The following HECTD4 variants were observed in gnomAD, a reference collection of about 807,000 sequenced individuals.
The protein encoded by HECTD4 is HECT domain E3 ubiquitin protein ligase 4, also known as probable E3 ubiquitin-protein ligase HECTD4.
In HECTD4, 114 loss-of-function variants were observed where a neutral mutation model predicts 471.5. The observed-to-expected ratio is 0.24, with a 90% confidence interval of 0.21 to 0.28. The LOEUF is 0.28. Ranked by LOEUF, HECTD4 falls within the 10% of genes least tolerant of loss-of-function variation. The pLI is 1.00. For synonymous variants in HECTD4, 2,012 were observed against 2,256.0 expected (o/e 0.89, Z 3.07); for missense variants, 3,866 against 5,651.5 (o/e 0.68, Z 10.13).
rs750997359 is a variant in HECTD4 at position 112,179,324 on chromosome 12, C to T, written c.11061G>A (p.Thr3687=). Residue 3687 remains threonine, a synonymous_variant, in exon 63 of 76, where the codon ACG becomes ACA. Coordinates refer to ENST00000682272, the MANE Select transcript of HECTD4 (RefSeq NM_001388303.1). This position sits in a 1 kb window ranked among gnomAD's most constrained non-coding sequence, Gnocchi z 4.3. ...TGGGCTTCGCTGGTGTCAGGCTCAG[C>T]GTCTGCTCTGAATGGGCACAACTCT... is the stretch of plus-strand genomic sequence containing the variant. ...IFKSCAHSEQ[T]LSLTPAKPIR... 3.0e-5 allele frequency: 48 copies of T among 1,613,222 alleles called. No homozygotes were observed. Among genetic ancestry groups the T allele is most frequent in the Non-Finnish European group, 3.8e-5 (45 of 1,179,638 alleles).
chr12:112,274,992 G>T, intron 9 of HECTD4, 32 bp from the exon 10 acceptor site: 1 of 1,222,286 alleles, frequency 8.2e-7, no homozygotes, highest in South Asian at 1.4e-5. Flanking sequence ...TGTTTAATGA[G>T]CCTGAAGATT....
At chr12:112,252,270 T>C (rs1242207713) in intron 23 of HECTD4, among the ~76,000 whole-genome samples, 154 bp downstream of exon 23, 2 of 152,222 alleles carry the variant, frequency 1.3e-5, no homozygotes, top group Admixed American at 1.3e-4. Flanking sequence ...GTAAAAGTAC[T>C]ACTAACTGCT....
At chr12:112,236,854 A>G (rs533222551) in intron 35 of HECTD4, 91 bp downstream of exon 35, 4 of 1,234,858 alleles carry the variant, frequency 3.2e-6, no homozygotes, top group Admixed American at 3.3e-5. Flanking sequence ...TAATTTAGCT[A>G]TTTTGAAAAG....
intron 11 of HECTD4, among the ~76,000 whole-genome samples, chr12:112,272,002 A>G (rs535049660): frequency 6.6e-6 from 1 of 151,964 alleles, no homozygotes; most frequent in Admixed American, 6.6e-5. Flanking sequence ...ATTTTTTCAA[A>G]TACTTGTTTC....
At chr12:112,360,097 T>A (rs1420562091) in intron 1 of HECTD4, among the ~76,000 whole-genome samples, 1 of 152,184 alleles carries the variant, frequency 6.6e-6, no homozygotes, top group African/African-American at 2.4e-5. Flanking sequence ...GTATTTTTCT[T>A]GGTAACTAGA....
intron 5 of HECTD4, among the ~76,000 whole-genome samples, chr12:112,309,306 G>T (rs2035329210): frequency 6.6e-6 from 1 of 152,196 alleles, no homozygotes; most frequent in Admixed American, 6.5e-5. Context: ...GATCATGGAG[G>T]ACTTTCTGGC....
rs148440827 is a variant in HECTD4 at position 112,352,757 on chromosome 12, C to A, written c.177+29195G>T. On this transcript the variant is annotated intron_variant, in intron 1 of 75. Transcript: ENST00000682272. ...AAGTAGCTAAGACCACATGTATATG[C>A]CAAAATGCCCAGCTAGTTTTTTGAT... Among the ~76,000 whole-genome samples the A allele has an allele frequency of 1.1e-4, 17 of 152,114 alleles. No individual in the cohort carries two copies. In the East Asian group the frequency reaches 3.3e-3, roughly 29 times the overall value.
At chr12:112,270,665 T>C (rs886526886) in intron 11 of HECTD4, among the ~76,000 whole-genome samples, 1 of 152,206 alleles carries the variant, frequency 6.6e-6, no homozygotes, top group Non-Finnish European at 1.5e-5. Flanking sequence ...GGAACATAAG[T>C]AGCTACCACT....
At chr12:112,186,843 T>A (rs1267798251) in intron 60 of HECTD4, among the ~76,000 whole-genome samples, 3 of 151,762 alleles carry the variant, frequency 2.0e-5, no homozygotes, top group Non-Finnish European at 4.4e-5. Flanking sequence ...AATTTTTATA[T>A]TTTTAGCAGA....
chr12:112,350,760 T>C (rs968038970), intron 1 of HECTD4, among the ~76,000 whole-genome samples: 1 of 152,238 alleles, frequency 6.6e-6, no homozygotes, highest in South Asian at 2.1e-4. Flanking sequence ...TCAATGTTCA[T>C]TCTCCACATA....
At chr12:112,238,661 A>G (rs1390639333) in intron 34 of HECTD4, among the ~76,000 whole-genome samples, 2 of 151,984 alleles carry the variant, frequency 1.3e-5, no homozygotes, top group African/African-American at 4.8e-5. Context: ...TGAGCCAGGG[A>G]GGTTGAGGTT....
intron 17 of HECTD4, among the ~76,000 whole-genome samples, chr12:112,263,188 T>C (rs1383655527): frequency 6.6e-6 from 1 of 152,224 alleles, no homozygotes; most frequent in East Asian, 1.9e-4. Context: ...TAAAAGTGCA[T>C]GTATGTCTGC....
intron 23 of HECTD4, among the ~76,000 whole-genome samples, chr12:112,252,176 C>T (rs768642677): frequency 2.6e-5 from 4 of 152,138 alleles, no homozygotes; most frequent in Admixed American, 6.5e-5. Flanking sequence ...AGGTCACCTC[C>T]CCAAACTTTG....
intron 1 of HECTD4, among the ~76,000 whole-genome samples, chr12:112,355,260 C>A (rs575120567): frequency 1.4e-5 from 2 of 147,296 alleles, no homozygotes; most frequent in Non-Finnish European, 3.0e-5. Flanking sequence ...CAGGTGTGAG[C>A]CACCGCGCCG....
intron 1 of HECTD4, among the ~76,000 whole-genome samples, chr12:112,332,235 A>G (rs2035857144): frequency 6.6e-6 from 1 of 152,098 alleles, no homozygotes; most frequent in Admixed American, 6.6e-5. Flanking sequence ...TGCTCACTTT[A>G]TATAAAGATT....
chr12:112,233,209 A>C, intron 37 of HECTD4, 124 bp from the exon 38 acceptor site: 3 of 455,440 alleles, frequency 6.6e-6, no homozygotes, highest in East Asian at 4.0e-5. Context: ...TTACACTAAC[A>C]TTAGCTTTTT....
At chr12:112,240,478 C>T (rs2033614294) in intron 32 of HECTD4, among the ~76,000 whole-genome samples, 1 of 149,960 alleles carries the variant, frequency 6.7e-6, no homozygotes, top group Admixed American at 6.7e-5. Context: ...GAGACAGGGT[C>T]TTGGTCTGTT....
At chr12:112,340,705 C>T (rs760244426) in intron 1 of HECTD4, among the ~76,000 whole-genome samples, 8 of 152,062 alleles carry the variant, frequency 5.3e-5, no homozygotes, top group Admixed American at 5.2e-4. Context: ...CTAACTATTG[C>T]CATATGACAT....
chr12:112,217,649 C>T (rs2032961803), intron 45 of HECTD4, among the ~76,000 whole-genome samples: 1 of 152,232 alleles, frequency 6.6e-6, no homozygotes, highest in African/African-American at 2.4e-5. Flanking sequence ...CCGCCATGCC[C>T]AGCCAGGCAC....
Sources: allele counts gnomAD v4.1 joint callset (sites outside exome capture counted in the v4.1 genomes callset), GRCh38; gene constraint gnomAD v4.1.1; non-coding constraint Gnocchi (gnomAD v3.1); transcripts MANE v1.5; gene names NCBI Gene and HGNC (gene_info 2026-07-23, HGNC 2026-07-21).